CLCA1: variants seen among roughly 807,000 people sequenced by gnomAD.
CLCA1 encodes chloride channel accessory 1, also known as calcium-activated chloride channel regulator 1.
Under a neutral mutation model 85.6 loss-of-function variants are expected in CLCA1, and 59 were observed. The observed-to-expected ratio is 0.69, with a 90% CI of 0.56 to 0.86. CLCA1 has a LOEUF of 0.86. CLCA1 is among the 40% of genes least tolerant of loss of function. CLCA1 has a pLI of 0.00. For synonymous variants in CLCA1, 396 were observed against 398.3 expected (o/e 0.99, Z 0.07); for missense variants, 1,022 against 1,101.4 (o/e 0.93, Z 1.02).
chr1:86,498,097 T>C (rs2791485), intron 12 of CLCA1, among the ~76,000 whole-genome samples: 134,466 of 151,552 alleles, frequency 0.89, 59,738 homozygotes, highest in African/African-American at 0.94. Context: ...GAGCCAAGAT[T>C]GCGCCACACC....
chr1:86,474,499 A>G (rs1007608326), intron 3 of CLCA1, among the ~76,000 whole-genome samples: 2 of 150,968 alleles, frequency 1.3e-5, no homozygotes, highest in African/African-American at 4.9e-5. Context: ...GGTTGTAGTG[A>G]GCCAAGATCG....
At chr1:86,495,815 A>G (rs1648268582) in intron 12 of CLCA1, 140 bp downstream of exon 12, 3 of 785,138 alleles carry the variant, frequency 3.8e-6, no homozygotes, top group Non-Finnish European at 5.9e-6. Context: ...TGAGCCAGAC[A>G]ATCCTTTGTT....
chr1:86,482,848 A>C (rs1647855857), intron 5 of CLCA1, among the ~76,000 whole-genome samples: 1 of 152,232 alleles, frequency 6.6e-6, no homozygotes, highest in African/African-American at 2.4e-5. Flanking sequence ...TAGGGAGTTT[A>C]CACATAGTTT....
At position 86,499,812 on chromosome 1, in the gene CLCA1, A is replaced by G. The variant is rs1453645753; in HGVS notation, c.2512A>G (p.Thr838Ala). ...KPENITFENG[T>A]DLFIAIQAVD... ...AGAAAACATTACTTTTGAAAATGGC[A>G]CAGATCTTTTCATTGCTATTCAGGC... is the stretch of plus-strand genomic sequence containing the variant. Residue 838 changes from threonine (T) to alanine (A), a missense_variant, in exon 14 of 14, where the codon ACA (threonine) becomes GCA (alanine). Physicochemically the swap from Thr to Ala is moderately conservative, Grantham distance 58. Coordinates refer to ENST00000394711, the MANE Select transcript of CLCA1 (RefSeq NM_001285.4). 6.2e-7 allele frequency: 1 copy of G among 1,613,758 alleles called. No individual in the cohort carries two copies. Among genetic ancestry groups the G allele is most frequent in the African/African-American group, 1.3e-5 (1 of 74,934 alleles).
rs373686027 is a variant in CLCA1 at position 86,494,467 on chromosome 1, G to C, written c.1942+19G>C. The C allele has an allele frequency of 6.2e-7, 1 of 1,611,394 alleles. No homozygotes were observed. Among genetic ancestry groups the C allele is most frequent in the African/African-American group, 1.3e-5 (1 of 74,886 alleles). ...GGAGCAGGTAATCACCCAAGAAATT[G>C]GAAGATATTTATTTCTTTTTCCAAG... On this transcript the variant is annotated intron_variant, in intron 11 of 13. Transcript: ENST00000394711.
In CLCA1 at chr1:86,499,825, T is replaced by C. The variant is rs1430020338; in HGVS notation, c.2525T>C (p.Ile842Thr). Reference protein sequence around the residue: ...ITFENGTDLFIAIQAVDKVDL... With the variant: ...ITFENGTDLFTAIQAVDKVDL... The stretch of plus-strand genomic sequence containing the variant: ...TTTGAAAATGGCACAGATCTTTTCA[T>C]TGCTATTCAGGCTGTTGATAAGGTC... Residue 842 changes from isoleucine to threonine, a missense_variant, in exon 14 of 14, where the codon ATT (isoleucine) becomes ACT (threonine). Transcript: ENST00000394711. The C allele has an allele frequency of 6.2e-7, 1 of 1,613,188 alleles. No individual in the cohort carries two copies. The highest frequency in any genetic ancestry group is 8.5e-7 in the Non-Finnish European group (1 of 1,179,074).
At position 86,486,575 on chromosome 1, in the gene CLCA1, T is replaced by G. The variant is rs776509724; in HGVS notation, c.1004T>G (p.Leu335Arg). Residue 335 changes from leucine to arginine, a missense_variant, in exon 7 of 14, where the codon CTG (leucine) becomes CGG (arginine). Physicochemically the swap from Leu to Arg is moderately radical, Grantham distance 102. Transcript: ENST00000394711. ...AATCAAGCAGGCCAGCTTTTCCTGC[T>G]GCAGACAGTTGAGCTGGGGTCCTGG... The part of the protein sequence containing the change: ...RLNQAGQLFL[L>R]QTVELGSWVG... 6.2e-7 allele frequency: 1 copy of G among 1,614,074 alleles called. No individual in the cohort carries two copies. The highest frequency in any genetic ancestry group is 1.3e-5 in the African/African-American group (1 of 74,912).
chr1:86,499,529 A>G (rs1648394979), intron 13 of CLCA1, 125 bp from the exon 14 acceptor site: 2 of 629,242 alleles, frequency 3.2e-6, no homozygotes, highest in Non-Finnish European at 5.4e-6. Context: ...TGGGAACCTT[A>G]TGGGGTGATG....
At chr1:86,470,014 T>C (rs1647458110) in intron 1 of CLCA1, among the ~76,000 whole-genome samples, 1 of 152,176 alleles carries the variant, frequency 6.6e-6, no homozygotes, top group Non-Finnish European at 1.5e-5. Context: ...ATCTCAGAAC[T>C]TTAAAAAATA....
At chr1:86,496,406 T>A (rs892343375) in intron 12 of CLCA1, among the ~76,000 whole-genome samples, 7 of 152,208 alleles carry the variant, frequency 4.6e-5, no homozygotes, top group Non-Finnish European at 8.8e-5. Flanking sequence ...GCCAGCACAC[T>A]GAGCCCACGT....
chr1:86,485,665 A>ATCT (rs5742003), intron 6 of CLCA1, 104 bp downstream of exon 6: 86,455 of 996,042 alleles, frequency 0.087, 4,922 homozygotes, highest in East Asian at 0.22. Flanking sequence ...GAGGGCCAGA[A>ATCT]TAGTTATAAC....
At chr1:86,474,354 A>C (rs1405701947) in intron 3 of CLCA1, among the ~76,000 whole-genome samples, 1 of 152,180 alleles carries the variant, frequency 6.6e-6, no homozygotes, top group African/African-American at 2.4e-5. Context: ...GGAGATCAAG[A>C]CCATCCTGGC....
chr1:86,493,339 T>C, intron 9 of CLCA1, 45 bp from the exon 10 acceptor site: 6 of 1,466,796 alleles, frequency 4.1e-6, no homozygotes, highest in Non-Finnish European at 3.8e-6. Context: ...GATCATGTGA[T>C]GGGAGCTGTA....
In CLCA1 at chr1:86,495,455, C is replaced by T. The variant is rs1327531390; in HGVS notation, c.1943-50C>T. ...AGCCTACATATGAGTTGGAAATATA[C>T]AAATACCCTCCCCGTTACCTATTTA... On this transcript the variant is annotated intron_variant, in intron 11 of 13. Transcript: ENST00000394711. The T allele has an allele frequency of 8.2e-6, 12 of 1,466,580 alleles. No individual in the cohort carries two copies. The South Asian group carries it at 1.3e-4, about 16-fold the overall frequency. 90.8% of individuals were successfully genotyped at this position (1,466,580 alleles called of 1,614,324 possible). A position where few individuals can be genotyped will look rare whatever the true frequency, so the allele number is the denominator to read the frequency against.
chr1:86,474,416 T>C (rs1382250759), intron 3 of CLCA1, among the ~76,000 whole-genome samples: 1 of 152,012 alleles, frequency 6.6e-6, no homozygotes, highest in South Asian at 2.1e-4. Flanking sequence ...TAGCCGGGCG[T>C]GGTGGCGGAC....
intron 1 of CLCA1, among the ~76,000 whole-genome samples, chr1:86,473,020 G>A (rs1416502953): frequency 3.3e-5 from 5 of 152,162 alleles, no homozygotes; most frequent in Non-Finnish European, 7.4e-5. Context: ...ATACTTGCTT[G>A]TGCGAAGTAA....
rs778883060 is a variant in CLCA1, at chr1:86,486,545, G to A, written c.974G>A (p.Arg325Gln). The change falls in exon 7 of 14, where the codon CGA (arginine) becomes CAA (glutamine). Residue 325 changes from arginine (R) to glutamine (Q), a missense_variant. Arg to Gln is a conservative substitution (Grantham distance 43). Transcript: ENST00000394711. ...ATTTAGACTGGTAACCGCCTCAATC[G>A]ACTGAATCAAGCAGGCCAGCTTTTC... ...GSMATGNRLN[R>Q]LNQAGQLFLL... 3.7e-6 allele frequency: 6 copies of A among 1,614,012 alleles called. No homozygotes were observed. Among genetic ancestry groups the A allele is most frequent in the Admixed American group, 1.7e-5 (1 of 60,010 alleles).
chr1:86,469,104 G>A lies in CLCA1; in HGVS notation c.133G>A (p.Glu45Lys). The A allele has an allele frequency of 1.2e-6, 2 of 1,609,244 alleles. No individual in the cohort carries two copies. The highest frequency in any genetic ancestry group is 1.7e-6 in the Non-Finnish European group (2 of 1,177,534). ...IVVAIDPNVP[E>K]DETLIQQIKD... ...CGTTGCAATCGACCCCAATGTGCCA[G>A]AAGATGAAACACTCATTCAACAAAT... Residue 45 changes from glutamate (E) to lysine (K), a missense_variant, in exon 1 of 14, where the codon GAA becomes AAA. Coordinates refer to ENST00000394711, the MANE Select transcript of CLCA1 (RefSeq NM_001285.4).
intron 11 of CLCA1, among the ~76,000 whole-genome samples, chr1:86,495,176 T>C (rs1193790658): frequency 6.6e-6 from 1 of 152,246 alleles, no homozygotes; most frequent in Non-Finnish European, 1.5e-5. Flanking sequence ...AACATTTTTT[T>C]CTTCCACATT....
Sources: allele counts gnomAD v4.1 joint callset (sites outside exome capture counted in the v4.1 genomes callset), GRCh38; gene constraint gnomAD v4.1.1; transcripts MANE v1.5; gene names NCBI Gene and HGNC (gene_info 2026-07-23, HGNC 2026-07-21).